The following ADAM22 variants were observed in gnomAD, a reference collection of about 807,000 sequenced individuals.
ADAM22 encodes disintegrin and metalloproteinase domain-containing protein 22.
Under a neutral mutation model 144.6 loss-of-function variants are expected in ADAM22, and 65 were observed. The ratio of observed to expected loss-of-function variants is 0.45; its 90% CI spans 0.37 to 0.55. The LOEUF is 0.55. Ranked by LOEUF, ADAM22 falls within the 20% of genes least tolerant of loss-of-function variation. The pLI, the probability that ADAM22 is intolerant of heterozygous loss-of-function variation, is 0.00. For synonymous variants in ADAM22, 391 were observed against 412.6 expected (o/e 0.95, Z 0.63); for missense variants, 974 against 1,184.9 (o/e 0.82, Z 2.61).
intron 7 of ADAM22, among the ~76,000 whole-genome samples, chr7:88,119,858 A>G (rs1440363067): frequency 2.0e-5 from 3 of 152,200 alleles, no homozygotes; most frequent in Non-Finnish European, 4.4e-5. Flanking sequence ...CTATTATGAG[A>G]AAAGCAACTA....
chr7:87,934,532 G>T lies in ADAM22; in HGVS notation c.67G>T (p.Ala23Ser). Residue 23 changes from alanine (A) to serine (S), a missense_variant, in exon 1 of 32, where the codon GCG becomes TCG. Coordinates refer to ENST00000413139, the MANE Select transcript of ADAM22 (RefSeq NM_001324418.2). ...CTGTGTCCTGGGGACCTGCCCTCCGGCGCGCTGCGGCCAGGCAGGTAAGTT... is the reference window on the plus strand; with the variant it reads ...CTGTGTCCTGGGGACCTGCCCTCCGTCGCGCTGCGGCCAGGCAGGTAAGTT... ...LLCVLGTCPP[A>S]RCGQAGDASL... 1 of 1,608,562 alleles carries T rather than the reference G, an allele frequency of 6.2e-7. No individual in the cohort carries two copies. The highest frequency in any genetic ancestry group is 8.5e-7 in the Non-Finnish European group (1 of 1,179,572).
chr7:88,005,089 G>A (rs545328237), intron 3 of ADAM22, among the ~76,000 whole-genome samples: 20 of 152,240 alleles, frequency 1.3e-4, no homozygotes, highest in Middle Eastern at 6.8e-3. Flanking sequence ...AAGCCTAGGA[G>A]TTCAAGGCCA....
chr7:87,946,225 A>G (rs1024502607), intron 2 of ADAM22, among the ~76,000 whole-genome samples: 4 of 151,720 alleles, frequency 2.6e-5, no homozygotes, highest in Non-Finnish European at 5.9e-5. Flanking sequence ...TATTGGGATT[A>G]TTTATTTTTT....
At chr7:88,145,025 C>A in intron 15 of ADAM22, 100 bp from the exon 16 acceptor site, 1 of 917,060 alleles carries the variant, frequency 1.1e-6, no homozygotes, top group Non-Finnish European at 1.7e-6. Context: ...TTTAGAATGA[C>A]TGGCAGGGCA....
chr7:87,937,540 G>T (rs1291890428), intron 2 of ADAM22, among the ~76,000 whole-genome samples: 1 of 152,158 alleles, frequency 6.6e-6, no homozygotes, highest in African/African-American at 2.4e-5. Flanking sequence ...ATGTCTTTGG[G>T]TACCTCTTGC....
chr7:88,083,486 A>AT (rs1242357233), intron 4 of ADAM22, among the ~76,000 whole-genome samples: 1 of 152,062 alleles, frequency 6.6e-6, no homozygotes, highest in Non-Finnish European at 1.5e-5. Context: ...CTTAAAGTAT[A>AT]TAAAAAAAAG....
At chr7:87,977,286 G>A (rs1356396837) in intron 2 of ADAM22, among the ~76,000 whole-genome samples, 1 of 152,084 alleles carries the variant, frequency 6.6e-6, no homozygotes, top group Non-Finnish European at 1.5e-5. Flanking sequence ...ATAGTTTACT[G>A]TGTGTGAAAT....
At chr7:88,146,844 T>C (rs1432676319) in intron 17 of ADAM22, among the ~76,000 whole-genome samples, 2 of 152,208 alleles carry the variant, frequency 1.3e-5, no homozygotes, top group Non-Finnish European at 2.9e-5. Flanking sequence ...TCCTGGCAGC[T>C]TTTTAAGACG....
chr7:87,956,907 T>C (rs1442073252), intron 2 of ADAM22, among the ~76,000 whole-genome samples: 1 of 152,372 alleles, frequency 6.6e-6, no homozygotes, highest in South Asian at 2.1e-4. Flanking sequence ...TGTGGACATG[T>C]GGAAACACAC....
Position 87,934,402 on chromosome 7 carries a change from C to A in ADAM22, c.-64C>A. ...CCCCGGGGGCGCGGAGCGAGGGAAACGGACTCGGCGGCGCCGGCATGAGGA... is the reference window on the plus strand; with the variant it reads ...CCCCGGGGGCGCGGAGCGAGGGAAAAGGACTCGGCGGCGCCGGCATGAGGA... On this transcript the variant is annotated 5_prime_UTR_variant, in exon 1 of 32. Coordinates refer to ENST00000413139, the MANE Select transcript of ADAM22 (RefSeq NM_001324418.2). 6.7e-7 allele frequency: 1 copy of A among 1,496,642 alleles called. No homozygotes were observed. The highest frequency in any genetic ancestry group is 9.0e-7 in the Non-Finnish European group (1 of 1,115,050). 92.7% of individuals were successfully genotyped at this position (1,496,642 alleles called of 1,614,324 possible).
chr7:87,958,392 A>T lies in ADAM22; in HGVS notation c.247-19944A>T, dbSNP rs918312261. ...TTTTTTTAAATTTTTTTTATTTTTT[A>T]TTTTTTTTTTGAGATGGAGTTTCGC... On this transcript the variant is annotated intron_variant, in intron 2 of 31. Transcript: ENST00000413139. Among the ~76,000 whole-genome samples, 140 of 147,916 alleles carry T rather than the reference A, an allele frequency of 9.5e-4. 6 individuals are homozygous for T. The highest frequency in any genetic ancestry group is 2.8e-3 in the South Asian group (13 of 4,660).
chr7:87,970,139 A>G (rs1850077428), intron 2 of ADAM22, among the ~76,000 whole-genome samples: 1 of 152,212 alleles, frequency 6.6e-6, no homozygotes, highest in Non-Finnish European at 1.5e-5. Context: ...ATAGAGATAT[A>G]GTATCAATCC....
intron 4 of ADAM22, among the ~76,000 whole-genome samples, chr7:88,107,097 C>T (rs1030416699): frequency 1.3e-5 from 2 of 151,816 alleles, no homozygotes; most frequent in African/African-American, 4.8e-5. Flanking sequence ...ACAAGCATTT[C>T]CTCCATCAAT....
chr7:88,182,362 T>G (rs1382872681), intron 29 of ADAM22, among the ~76,000 whole-genome samples: 1 of 152,094 alleles, frequency 6.6e-6, no homozygotes, highest in Non-Finnish European at 1.5e-5. Flanking sequence ...TTTCAAAGGG[T>G]CACCCTTCCT....
At chr7:87,953,559 C>T (rs1415291217) in intron 2 of ADAM22, among the ~76,000 whole-genome samples, 1 of 152,120 alleles carries the variant, frequency 6.6e-6, no homozygotes, top group Non-Finnish European at 1.5e-5. Flanking sequence ...GCTTTACTTC[C>T]AACTATGTGG....
At chr7:88,097,151 CTT>C (rs1169759079) in intron 4 of ADAM22, among the ~76,000 whole-genome samples, 5 of 129,180 alleles carry the variant, frequency 3.9e-5, no homozygotes, top group Admixed American at 7.8e-5. Flanking sequence ...TTTTTCTTTT[CTT>C]TTTTTTTTTT....
At chr7:87,961,715 A>G (rs1848033792) in intron 2 of ADAM22, among the ~76,000 whole-genome samples, 1 of 152,206 alleles carries the variant, frequency 6.6e-6, no homozygotes, top group Non-Finnish European at 1.5e-5. Context: ...GCACACTTCC[A>G]AGCTGTCTTT....
rs774878910 is a variant in ADAM22 at position 88,114,604 on chromosome 7, A to T, written c.494A>T (p.Asn165Ile). The T allele has an allele frequency of 1.2e-6, 2 of 1,613,806 alleles. No individual in the cohort carries two copies. Among genetic ancestry groups the T allele is most frequent in the Non-Finnish European group, 1.7e-6 (2 of 1,179,874 alleles). The change falls in exon 6 of 32, where the codon AAC (asparagine) becomes ATC (isoleucine). Residue 165 changes from asparagine to isoleucine, a missense_variant. Asn to Ile is a moderately radical substitution (Grantham distance 149). Transcript: ENST00000413139. ...HGLHGMFYDG[N>I]HTYLIEPEEN... Reference sequence around the variant, plus strand: ...GGCAGTGGGATGTTCTATGACGGGAACCACACATATCTCATTGAGCCAGAA... The same window carrying T: ...GGCAGTGGGATGTTCTATGACGGGATCCACACATATCTCATTGAGCCAGAA...
intron 3 of ADAM22, among the ~76,000 whole-genome samples, chr7:88,044,120 A>G (rs560929291): frequency 1.3e-5 from 2 of 152,366 alleles, no homozygotes; most frequent in South Asian, 4.1e-4. Context: ...TTTTAAAATG[A>G]TTTTCAAAAT....
Sources: gnomAD v4.1 joint callset for allele counts (sites outside exome capture counted in the v4.1 genomes callset) on GRCh38, gnomAD v4.1.1 for gene constraint, MANE v1.5 for transcripts, NCBI Gene and HGNC (gene_info 2026-07-23, HGNC 2026-07-21) for gene names.